The following PCNT variants were observed in gnomAD, a reference collection of about 807,000 sequenced individuals.
The protein encoded by PCNT is kendrin.
In PCNT, 319 loss-of-function variants were observed where a neutral mutation model predicts 380.4. The observed-to-expected ratio is 0.84, with a 90% CI of 0.77 to 0.92. The LOEUF (loss-of-function observed/expected upper bound fraction) is 0.92, where lower values mean the gene tolerates loss of function less well. Ranked by LOEUF, PCNT falls within the 40% of genes least tolerant of loss-of-function variation. PCNT has a pLI of 0.00. For synonymous variants in PCNT, 1,845 were observed against 1,735.2 expected, an observed-to-expected ratio of 1.06 and a Z score of -1.57; for missense variants, 4,400 against 4,255.3, an observed-to-expected ratio of 1.03 and a Z score of -0.95.
At chr21:46,415,791 G>A (rs746933091) in intron 29 of PCNT, among the ~76,000 whole-genome samples, 3 of 152,124 alleles carry the variant, frequency 2.0e-5, no homozygotes, top group African/African-American at 4.8e-5. Context: ...TTGTGTTTTC[G>A]GTGCTCAGAT....
intron 2 of PCNT, among the ~76,000 whole-genome samples, chr21:46,328,157 T>A (rs1175329203): frequency 2.0e-5 from 3 of 152,206 alleles, no homozygotes; most frequent in African/African-American, 7.2e-5. Context: ...CTTAAAAAAT[T>A]GAGTTGTTGG....
intron 25 of PCNT, among the ~76,000 whole-genome samples, chr21:46,400,823 T>C (rs575222085): frequency 4.9e-4 from 75 of 152,246 alleles, no homozygotes; most frequent in Admixed American, 3.5e-3. Context: ...CCCGGCCAAG[T>C]GTGTCTGATT....
chr21:46,406,688 T>C (rs964419741), intron 27 of PCNT, among the ~76,000 whole-genome samples: 2 of 152,242 alleles, frequency 1.3e-5, no homozygotes, highest in African/African-American at 4.8e-5. Context: ...TACAGGGAAG[T>C]GGTCAGTGTT....
At chr21:46,359,786 C>G (rs2084638289) in intron 13 of PCNT, among the ~76,000 whole-genome samples, 1 of 151,898 alleles carries the variant, frequency 6.6e-6, no homozygotes, top group Non-Finnish European at 1.5e-5. Context: ...CGTACCCAGC[C>G]TCGTCTTTTA....
Position 46,443,955 on chromosome 21 carries a change from G to GTGA in PCNT, c.9839+10_9839+12dup. 6.2e-7 allele frequency: 1 copy of GTGA among 1,611,568 alleles called. No homozygotes were observed. Among genetic ancestry groups the GTGA allele is most frequent in the South Asian group, 1.1e-5 (1 of 90,998 alleles). The stretch of plus-strand genomic sequence containing the variant: ...CCCCACACAGTGGGGGAAGGTCAGT[G>GTGA]TGATGCCTTCAGGCCCCGTCTCCTG... On this transcript the variant is annotated splice_region_variant and intron_variant, in intron 45 of 46. Transcript: ENST00000359568.
In PCNT at chr21:46,411,398, G is replaced by C; in HGVS notation, c.5325G>C (p.Leu1775=). 1 of 1,613,698 alleles carries C rather than the reference G, an allele frequency of 6.2e-7. No individual in the cohort carries two copies. Among genetic ancestry groups the C allele is most frequent in the South Asian group, 1.1e-5 (1 of 91,086 alleles). ...DSQAGSLQSE[L]LCSQAGGPRG... is the part of the protein sequence containing the mutation. The stretch of plus-strand genomic sequence containing the variant: ...AGGCTGGCAGTCTGCAGAGCGAGCT[G>C]CTCTGCTCCCAGGCCGGGGGCCCTC... Residue 1775 remains leucine, a synonymous_variant, in exon 28 of 47, where the codon CTG becomes CTC. Transcript: ENST00000359568.
chr21:46,383,510 ATGT>A (rs2085675626), intron 16 of PCNT, among the ~76,000 whole-genome samples: 1 of 103,634 alleles, frequency 9.6e-6, no homozygotes. Context: ...CGCATTCACC[ATGT>A]TGTATATTCA....
In PCNT at chr21:46,364,145, T is replaced by C. The variant is rs4819243; in HGVS notation, c.2609+211T>C. ...ACGGGCAGGCTGGCAGTTGCCATCC[T>C]GAAGCCCCCTGGCCGCAGTGGGACA... On this transcript the variant is annotated intron_variant, in intron 14 of 46. Coordinates refer to ENST00000359568, the MANE Select transcript of PCNT (RefSeq NM_006031.6). Among the ~76,000 whole-genome samples the C allele has an allele frequency of 0.99, 150,964 of 151,960 alleles. 74,999 individuals are homozygous for C. The highest frequency in any genetic ancestry group is 1 in the Middle Eastern group (294 of 294).
chr21:46,340,750 A>G (rs1395145565), intron 3 of PCNT, among the ~76,000 whole-genome samples: 1 of 151,542 alleles, frequency 6.6e-6, no homozygotes, highest in Non-Finnish European at 1.5e-5. Context: ...GCTCACTGCA[A>G]CCTTCACCTC....
At chr21:46,428,938 C>T (rs2087624884) in intron 35 of PCNT, among the ~76,000 whole-genome samples, 1 of 152,170 alleles carries the variant, frequency 6.6e-6, no homozygotes, top group African/African-American at 2.4e-5. Flanking sequence ...TATGTAGATG[C>T]TCAGGTCATC....
chr21:46,401,336 C>A (rs11701999), intron 25 of PCNT, among the ~76,000 whole-genome samples: 1 of 152,084 alleles, frequency 6.6e-6, no homozygotes, highest in Non-Finnish European at 1.5e-5. Context: ...CAGGCTGTGG[C>A]TCTCAGTCAC....
intron 2 of PCNT, among the ~76,000 whole-genome samples, chr21:46,328,120 A>G (rs968871487): frequency 6.6e-6 from 1 of 152,250 alleles, no homozygotes; most frequent in East Asian, 1.9e-4. Flanking sequence ...ATCTGGCTCA[A>G]GGTCATAATG....
At chr21:46,433,211 A>G (rs946949426) in intron 38 of PCNT, among the ~76,000 whole-genome samples, 2 of 152,114 alleles carry the variant, frequency 1.3e-5, no homozygotes, top group African/African-American at 4.8e-5. Context: ...GCGAAAGCCC[A>G]TTTCTACTAA....
chr21:46,339,949 C>A (rs528895110), intron 3 of PCNT, among the ~76,000 whole-genome samples: 7 of 152,126 alleles, frequency 4.6e-5, no homozygotes, highest in Non-Finnish European at 8.8e-5. Context: ...TCTACCTGTT[C>A]TTTCTCTCCA....
intron 21 of PCNT, among the ~76,000 whole-genome samples, chr21:46,393,261 C>T (rs902648735): frequency 7.2e-5 from 11 of 152,192 alleles, no homozygotes; most frequent in African/African-American, 2.2e-4. Context: ...AGACATGACT[C>T]GAGATCCTGT....
chr21:46,400,599 A>C (rs1013491021), intron 25 of PCNT, among the ~76,000 whole-genome samples: 1 of 144,138 alleles, frequency 6.9e-6, no homozygotes, highest in South Asian at 2.2e-4. Context: ...GCTCACAGCA[A>C]CCTCCTCCTC....
At chr21:46,368,041 G>A (rs905972109) in intron 15 of PCNT, among the ~76,000 whole-genome samples, 1 of 152,156 alleles carries the variant, frequency 6.6e-6, no homozygotes, top group African/African-American at 2.4e-5. Flanking sequence ...TGTAGTCTCA[G>A]CTACTTTGGA....
intron 15 of PCNT, among the ~76,000 whole-genome samples, chr21:46,371,048 A>G (rs1192163049): frequency 2.0e-5 from 3 of 151,850 alleles, no homozygotes; most frequent in Non-Finnish European, 4.4e-5. Flanking sequence ...AAATATATAT[A>G]TGAAAATAAA....
In PCNT at chr21:46,390,843, T is replaced by C; in HGVS notation, c.4003+11T>C. ...TGCACAAGACTCAGGGTGAGCAGCA[T>C]GAGGCCTCGGGGCACCTGGAGCACA... On this transcript the variant is annotated intron_variant, in intron 20 of 46. Coordinates refer to ENST00000359568, the MANE Select transcript of PCNT (RefSeq NM_006031.6). 1 of 1,605,366 alleles carries C rather than the reference T, an allele frequency of 6.2e-7. No individual in the cohort carries two copies. The highest frequency in any genetic ancestry group is 8.5e-7 in the Non-Finnish European group (1 of 1,176,414).
Sources: gnomAD v4.1 joint callset for allele counts (sites outside exome capture counted in the v4.1 genomes callset) on GRCh38, gnomAD v4.1.1 for gene constraint, MANE v1.5 for transcripts, NCBI Gene and HGNC (gene_info 2026-07-23, HGNC 2026-07-21) for gene names.